Variants in SSX2IP observed in about 807,000 individuals in gnomAD.
The protein encoded by SSX2IP is SSX family member 2 interacting protein.
Under a neutral mutation model 84.9 loss-of-function variants are expected in SSX2IP, and 55 were observed. That is an observed-to-expected ratio of 0.65 (90% CI 0.52 to 0.81). The LOEUF is 0.81. SSX2IP is among the 30% of genes least tolerant of loss of function. SSX2IP has a pLI of 0.00. For synonymous variants in SSX2IP, 239 were observed against 234.7 expected, an observed-to-expected ratio of 1.02 and a Z score of -0.17; for missense variants, 664 against 705.2, an observed-to-expected ratio of 0.94 and a Z score of 0.66.
intron 1 of SSX2IP, among the ~76,000 whole-genome samples, chr1:84,674,922 C>A (rs552798391): frequency 2.0e-5 from 3 of 152,290 alleles, no homozygotes; most frequent in Admixed American, 2.0e-4. Context: ...GGACTTACGA[C>A]TCTTTATCAA....
Position 84,658,365 on chromosome 1 carries a change from T to C in SSX2IP, c.1031A>G (p.Lys344Arg). ...VREQLTNSIR[K>R]QWRILKSHVE... ...ATGACTTTTCAAAATTCTCCACTGTTTTCTGATGCTGTTTGTAAGCTGCTC... is the reference window on the plus strand; with the variant it reads ...ATGACTTTTCAAAATTCTCCACTGTCTTCTGATGCTGTTTGTAAGCTGCTC... The change falls in exon 9 of 14, where the codon AAA (lysine) becomes AGA (arginine). Residue 344 changes from lysine to arginine, a missense_variant. Coordinates refer to ENST00000342203, the MANE Select transcript of SSX2IP (RefSeq NM_001166293.2). 1 of 1,614,158 alleles carries C rather than the reference T, an allele frequency of 6.2e-7. No individual in the cohort carries two copies. The highest frequency in any genetic ancestry group is 8.5e-7 in the Non-Finnish European group (1 of 1,180,024).
At chr1:84,673,636 G>T (rs149407905) in intron 1 of SSX2IP, among the ~76,000 whole-genome samples, 113 of 152,252 alleles carry the variant, frequency 7.4e-4, no homozygotes, top group African/African-American at 2.6e-3. Flanking sequence ...AATAGTTCAG[G>T]CAAGATGACC....
chr1:84,647,613 G>C lies in SSX2IP; in HGVS notation c.1671-6C>G. Reference sequence around the variant, plus strand: ...TATTCAGTACATTGATTGAACTGTTGGGAAAAGAAAGGCAGATCTTAGTGA... The same window carrying C: ...TATTCAGTACATTGATTGAACTGTTCGGAAAAGAAAGGCAGATCTTAGTGA... On this transcript the variant is annotated splice_region_variant and splice_polypyrimidine_tract_variant and intron_variant, in intron 13 of 13. Transcript: ENST00000342203. 6.4e-7 allele frequency: 1 copy of C among 1,556,650 alleles called. No individual in the cohort carries two copies. Among genetic ancestry groups the C allele is most frequent in the South Asian group, 1.2e-5 (1 of 81,716 alleles).
chr1:84,650,300 C>T (rs780301558), intron 13 of SSX2IP, 62 bp downstream of exon 13: 3 of 1,544,672 alleles, frequency 1.9e-6, no homozygotes, highest in African/African-American at 2.7e-5. Flanking sequence ...CCACCTTTCC[C>T]TTAGCAGTGC....
intron 4 of SSX2IP, among the ~76,000 whole-genome samples, chr1:84,669,268 T>A (rs891750961): frequency 6.6e-6 from 1 of 152,116 alleles, no homozygotes; most frequent in East Asian, 1.9e-4. Context: ...TAGTCTGATT[T>A]AATTATTGAG....
chr1:84,652,833 G>T (rs912394347), intron 11 of SSX2IP, among the ~76,000 whole-genome samples: 4 of 151,778 alleles, frequency 2.6e-5, no homozygotes, highest in Admixed American at 1.3e-4. Flanking sequence ...AGACCATCCT[G>T]GCTAACATGG....
chr1:84,683,738 C>T (rs1013491854), intron 1 of SSX2IP, among the ~76,000 whole-genome samples: 9 of 152,190 alleles, frequency 5.9e-5, no homozygotes, highest in Admixed American at 5.2e-4. Context: ...GACAAGTCAA[C>T]ACTTTGGCCA....
intron 4 of SSX2IP, 45 bp from the exon 5 acceptor site, chr1:84,666,277 T>C: frequency 7.2e-7 from 1 of 1,393,676 alleles, no homozygotes; most frequent in Non-Finnish European, 1.0e-6. Context: ...ATAAAGGATT[T>C]AGAATAACTG....
intron 4 of SSX2IP, among the ~76,000 whole-genome samples, chr1:84,669,076 AAAGG>A (rs1030069593): frequency 6.6e-6 from 1 of 152,058 alleles, no homozygotes; most frequent in African/African-American, 2.4e-5. Context: ...TGAAAACATA[AAAGG>A]AAGAAAAAGA....
chr1:84,667,054 A>G lies in SSX2IP; in HGVS notation c.427-822T>C, dbSNP rs1570648525. 4.0e-5 allele frequency among the ~76,000 whole-genome samples: 6 copies of G among 151,510 alleles called. 1 individual carries two copies. The highest frequency in any genetic ancestry group is 3.9e-4 in the Admixed American group (6 of 15,198). ...AACTCTAAGGTTGTCAGTTTTTGGC[A>G]ACCTTTTTTTTTGAATGTGTAAAAC... On this transcript the variant is annotated intron_variant, in intron 4 of 13. Coordinates refer to ENST00000342203, the MANE Select transcript of SSX2IP (RefSeq NM_001166293.2).
intron 4 of SSX2IP, among the ~76,000 whole-genome samples, chr1:84,666,857 G>A (rs933783303): frequency 2.0e-5 from 3 of 152,058 alleles, no homozygotes; most frequent in Non-Finnish European, 4.4e-5. Context: ...GAACTGTGCC[G>A]AGTTCTGCAT....
At chr1:84,660,707 G>A (rs1247031026) in intron 8 of SSX2IP, among the ~76,000 whole-genome samples, 1 of 151,962 alleles carries the variant, frequency 6.6e-6, no homozygotes, top group Non-Finnish European at 1.5e-5. Context: ...AGAGATTGCA[G>A]TGAGGTGAGA....
intron 1 of SSX2IP, among the ~76,000 whole-genome samples, chr1:84,686,375 A>C (rs1326482627): frequency 6.6e-6 from 1 of 152,218 alleles, no homozygotes; most frequent in African/African-American, 2.4e-5. Context: ...AAAGGGAGGC[A>C]TCTACTCTCT....
At chr1:84,648,648 T>A (rs758085952) in intron 13 of SSX2IP, among the ~76,000 whole-genome samples, 7 of 152,220 alleles carry the variant, frequency 4.6e-5, no homozygotes, top group Non-Finnish European at 8.8e-5. Flanking sequence ...TGTTATGCTA[T>A]CTCTTAGATA....
At chr1:84,662,866 T>C (rs1041742796) in intron 6 of SSX2IP, among the ~76,000 whole-genome samples, 3 of 152,178 alleles carry the variant, frequency 2.0e-5, no homozygotes, top group Admixed American at 2.0e-4. Context: ...TTAATAAATG[T>C]TACCTTATCA....
intron 1 of SSX2IP, among the ~76,000 whole-genome samples, chr1:84,687,416 G>A (rs938544794): frequency 6.6e-6 from 1 of 152,104 alleles, no homozygotes; most frequent in Non-Finnish European, 1.5e-5. Flanking sequence ...ACATTTTTAT[G>A]TCTGACACCC....
intron 1 of SSX2IP, among the ~76,000 whole-genome samples, chr1:84,678,217 G>A (rs1024829110): frequency 6.6e-6 from 1 of 152,150 alleles, no homozygotes; most frequent in Non-Finnish European, 1.5e-5. Flanking sequence ...ACTAGTTTAT[G>A]AACTTCTAGA....
intron 6 of SSX2IP, among the ~76,000 whole-genome samples, chr1:84,664,035 A>G (rs973218434): frequency 3.9e-5 from 6 of 152,186 alleles, no homozygotes; most frequent in Non-Finnish European, 5.9e-5. Flanking sequence ...AACTGACATG[A>G]ACGATTTGGT....
At position 84,647,508 on chromosome 1, in the gene SSX2IP, T is replaced by C. The variant is rs1399680151; in HGVS notation, c.1770A>G (p.Gly590=). 6.2e-7 allele frequency: 1 copy of C among 1,613,232 alleles called. No individual in the cohort carries two copies. Among genetic ancestry groups the C allele is most frequent in the East Asian group, 2.2e-5 (1 of 44,832 alleles). Reference sequence around the variant, plus strand: ...ATCCACTATAGCAACCTTCCTGTGATCCAGGTCTTGATGCCACACTCCATT... The same window carrying C: ...ATCCACTATAGCAACCTTCCTGTGACCCAGGTCTTGATGCCACACTCCATT... The part of the protein sequence containing the change: ...NQKWSVASRP[G]SQEGCYSGCS... The change falls in exon 14 of 14, where the codon GGA becomes GGG. Residue 590 remains glycine, a synonymous_variant. Coordinates refer to ENST00000342203, the MANE Select transcript of SSX2IP (RefSeq NM_001166293.2).
Sources: gnomAD v4.1 joint callset for allele counts (sites outside exome capture counted in the v4.1 genomes callset) on GRCh38, gnomAD v4.1.1 for gene constraint, MANE v1.5 for transcripts, NCBI Gene and HGNC (gene_info 2026-07-23, HGNC 2026-07-21) for gene names.